The following ITPR1 variants were observed in gnomAD, a reference collection of about 807,000 sequenced individuals.
The protein encoded by ITPR1 is inositol 1,4,5-trisphosphate receptor type 1, also known as inositol 1,4,5-trisphosphate-gated calcium channel ITPR1.
A neutral mutation model predicts 318.4 loss-of-function variants in ITPR1; 96 were observed. The ratio of observed to expected loss-of-function variants is 0.30; its 90% CI spans 0.26 to 0.36. The LOEUF (loss-of-function observed/expected upper bound fraction) is 0.36. ITPR1 is among the 10% of genes least tolerant of loss of function. The pLI is 1.00. For synonymous variants in ITPR1, 1,312 were observed against 1,289.9 expected (o/e 1.02, Z -0.37); for missense variants, 2,440 against 3,460.2 (o/e 0.71, Z 7.40).
chr3:4,500,948 G>A (rs954020175), intron 2 of ITPR1, among the ~76,000 whole-genome samples: 5 of 152,082 alleles, frequency 3.3e-5, no homozygotes, highest in African/African-American at 7.2e-5. Context: ...CAACCTCCCA[G>A]GCACAAGCGA....
In ITPR1 at chr3:4,639,291, T is replaced by C. The variant is rs898980873; in HGVS notation, c.280-93T>C. The C allele has an allele frequency of 1.7e-5, 16 of 946,582 alleles. No individual in the cohort carries two copies. The African/African-American group carries it at 2.6e-4, about 16-fold the overall frequency. 58.6% of individuals were successfully genotyped at this position (946,582 alleles called of 1,614,324 possible). ...AGGGATTTGCGTATTTCGGTGGTTCTTGTATGAACTGGCGACATTTGTTCT... is the reference window on the plus strand; with the variant it reads ...AGGGATTTGCGTATTTCGGTGGTTCCTGTATGAACTGGCGACATTTGTTCT... On this transcript the variant is annotated intron_variant, in intron 5 of 61. Coordinates refer to ENST00000649015, the MANE Select transcript of ITPR1 (RefSeq NM_001378452.1).
Position 4,665,197 on chromosome 3 carries a change from G to A in ITPR1, c.1614G>A (p.Leu538=), listed in dbSNP as rs1297659569. The change falls in exon 17 of 62, where the codon CTG becomes CTA. Residue 538 remains leucine, a synonymous_variant. Coordinates refer to ENST00000649015, the MANE Select transcript of ITPR1 (RefSeq NM_001378452.1). Reference sequence around the variant, plus strand: ...GCGGTGATGGCCCAATGCTTCGGCTGGAAGAGCTCGGGGACCAGCGGCACG... The same window carrying A: ...GCGGTGATGGCCCAATGCTTCGGCTAGAAGAGCTCGGGGACCAGCGGCACG... ...TDCGDGPMLR[L]EELGDQRHAP... 3.7e-6 allele frequency: 6 copies of A among 1,614,034 alleles called. No homozygotes were observed. Among genetic ancestry groups the A allele is most frequent in the Middle Eastern group, 1.7e-4 (1 of 6,060 alleles).
intron 44 of ITPR1, among the ~76,000 whole-genome samples, chr3:4,752,051 G>T (rs1339276593): frequency 1.3e-5 from 2 of 152,130 alleles, no homozygotes; most frequent in African/African-American, 4.8e-5. Flanking sequence ...TTAGACTTTT[G>T]ATCAAGATGG....
At chr3:4,703,937 A>C (rs1000344161) in intron 36 of ITPR1, among the ~76,000 whole-genome samples, 2 of 152,226 alleles carry the variant, frequency 1.3e-5, no homozygotes, top group East Asian at 3.8e-4. Flanking sequence ...AAATTCCCAG[A>C]TAACCCTATA....
chr3:4,772,095 A>G (rs910215174), intron 46 of ITPR1, among the ~76,000 whole-genome samples: 1 of 152,266 alleles, frequency 6.6e-6, no homozygotes, highest in African/African-American at 2.4e-5. Flanking sequence ...CTCCAATAAA[A>G]TTATGGTGTG....
intron 4 of ITPR1, among the ~76,000 whole-genome samples, chr3:4,523,821 T>C (rs1445147044): frequency 6.6e-5 from 10 of 152,180 alleles, no homozygotes; most frequent in Admixed American, 6.5e-4. Context: ...GGAGGAGACA[T>C]GTTTTTCTGG....
chr3:4,768,781 G>C lies in ITPR1; in HGVS notation c.5979+17G>C. On this transcript the variant is annotated intron_variant, in intron 46 of 61. Coordinates refer to ENST00000649015, the MANE Select transcript of ITPR1 (RefSeq NM_001378452.1). ...GACCTGCAGGTGAGGGCCTGGGGGT[G>C]GGGGCGTGGAGGGAGCTCGGGAAAG... 1.2e-6 allele frequency: 2 copies of C among 1,601,600 alleles called. No individual in the cohort carries two copies. The highest frequency in any genetic ancestry group is 8.5e-7 in the Non-Finnish European group (1 of 1,170,708).
intron 42 of ITPR1, among the ~76,000 whole-genome samples, chr3:4,728,165 G>T (rs1215094373): frequency 1.3e-5 from 2 of 152,192 alleles, no homozygotes; most frequent in African/African-American, 4.8e-5. Context: ...GAATTCCTTG[G>T]CCAAGGGGTA....
At chr3:4,629,789 G>A (rs2092956684) in intron 5 of ITPR1, among the ~76,000 whole-genome samples, 1 of 152,228 alleles carries the variant, frequency 6.6e-6, no homozygotes, top group African/African-American at 2.4e-5. Context: ...ATAAGAGGGT[G>A]TGATACAGTG....
At chr3:4,493,755 G>A (rs187781215) in intron 1 of ITPR1, 150 bp downstream of exon 1, 1 of 152,334 alleles carries the variant, frequency 6.6e-6, no homozygotes, top group Non-Finnish European at 1.5e-5. Context: ...AGTTGTTTTG[G>A]GGGGAGCTCA....
intron 4 of ITPR1, among the ~76,000 whole-genome samples, chr3:4,555,161 G>A (rs532621990): frequency 9.7e-4 from 148 of 152,288 alleles, no homozygotes; most frequent in Middle Eastern, 3.4e-3. Flanking sequence ...CATAATCAAA[G>A]TCAGGGTATT....
At chr3:4,781,270 G>C (rs2046819952) in intron 49 of ITPR1, among the ~76,000 whole-genome samples, 1 of 152,216 alleles carries the variant, frequency 6.6e-6, no homozygotes, top group Non-Finnish European at 1.5e-5. Context: ...GGGGGAGGCA[G>C]AAATGCCCAC....
At chr3:4,531,705 G>T (rs78696943) in intron 4 of ITPR1, among the ~76,000 whole-genome samples, 8,184 of 152,220 alleles carry the variant, frequency 0.054, 746 homozygotes, top group African/African-American at 0.19. Context: ...TGCATGTCCT[G>T]TTTCTTCTGC....
intron 4 of ITPR1, among the ~76,000 whole-genome samples, chr3:4,544,047 CT>C (rs144791220): frequency 6.6e-6 from 1 of 151,306 alleles, no homozygotes; most frequent in Admixed American, 6.6e-5. Flanking sequence ...ATTCCTGTTC[CT>C]TTTTTTTTAA....
chr3:4,659,402 C>T (rs556226332), intron 13 of ITPR1, among the ~76,000 whole-genome samples: 10 of 152,218 alleles, frequency 6.6e-5, no homozygotes, highest in Non-Finnish European at 1.2e-4. Context: ...GTAATCAGGC[C>T]GGGCGCAGTG....
intron 4 of ITPR1, among the ~76,000 whole-genome samples, chr3:4,553,647 C>CGACAGTGCAA (rs1178398888): frequency 3.4e-5 from 5 of 146,012 alleles, no homozygotes; most frequent in Non-Finnish European, 7.5e-5. Flanking sequence ...GTCGCCCAGG[C>CGACAGTGCAA]TGGAGTGCAA....
chr3:4,712,001 A>C lies in ITPR1; in HGVS notation c.5103+133A>C, dbSNP rs559238855. 2.8e-4 allele frequency: 150 copies of C among 527,506 alleles called. 1 individual carries two copies. The East Asian group carries it at 4.3e-3, about 15-fold the overall frequency. 32.7% of individuals were successfully genotyped at this position (527,506 alleles called of 1,614,324 possible). On this transcript the variant is annotated intron_variant, in intron 39 of 61. Coordinates refer to ENST00000649015, the MANE Select transcript of ITPR1 (RefSeq NM_001378452.1). ...TTTTTTAAAAGAAAGAAAGAAAGAA[A>C]GAAAAAGCTGTTTATCCTGCCGTTA... is the stretch of plus-strand genomic sequence containing the variant.
At chr3:4,682,654 G>A (rs1355577754) in intron 26 of ITPR1, among the ~76,000 whole-genome samples, 3 of 152,172 alleles carry the variant, frequency 2.0e-5, no homozygotes, top group Non-Finnish European at 4.4e-5. Context: ...TGATCACTCA[G>A]CTCTCCCGCC....
intron 40 of ITPR1, among the ~76,000 whole-genome samples, chr3:4,723,500 A>G (rs2042305736): frequency 6.6e-6 from 1 of 152,174 alleles, no homozygotes; most frequent in Non-Finnish European, 1.5e-5. Context: ...TAGAACAAGC[A>G]TGACAGCAGT....
Sources: allele counts gnomAD v4.1 joint callset (sites outside exome capture counted in the v4.1 genomes callset), GRCh38; gene constraint gnomAD v4.1.1; transcripts MANE v1.5; gene names NCBI Gene and HGNC (gene_info 2026-07-23, HGNC 2026-07-21).